Variants in CNTNAP5 observed in about 807,000 individuals in gnomAD.
CNTNAP5 encodes the protein contactin-associated protein-like 5.
Under a neutral mutation model 150.2 loss-of-function variants are expected in CNTNAP5, and 72 were observed. The ratio of observed to expected loss-of-function variants is 0.48; its 90% confidence interval spans 0.40 to 0.58. The LOEUF is 0.58. Among genes scored for constraint, CNTNAP5 ranks in the 20% least tolerant of loss-of-function variants. The pLI is 0.00. For synonymous variants in CNTNAP5, 672 were observed against 619.8 expected, an observed-to-expected ratio of 1.08 and a Z score of -1.25; for missense variants, 1,636 against 1,626.2, an observed-to-expected ratio of 1.01 and a Z score of -0.10.
intron 6 of CNTNAP5, among the ~76,000 whole-genome samples, chr2:124,449,959 C>G (rs1251458635): frequency 6.6e-6 from 1 of 152,004 alleles, no homozygotes; most frequent in African/African-American, 2.4e-5. Context: ...GCTGTGTAAA[C>G]CTGGGAAATA....
chr2:124,832,839 C>A (rs1682744284), intron 19 of CNTNAP5, among the ~76,000 whole-genome samples: 1 of 151,862 alleles, frequency 6.6e-6, no homozygotes, highest in Non-Finnish European at 1.5e-5. Flanking sequence ...AAAGACTCTG[C>A]AGGTTAACTC....
intron 3 of CNTNAP5, among the ~76,000 whole-genome samples, chr2:124,318,842 C>T (rs1405737154): frequency 6.6e-6 from 1 of 152,112 alleles, no homozygotes; most frequent in Admixed American, 6.5e-5. Context: ...CCCTCTATTT[C>T]TCTCCAGTCC....
chr2:124,900,004 G>T (rs775113472), intron 21 of CNTNAP5, among the ~76,000 whole-genome samples: 8 of 150,492 alleles, frequency 5.3e-5, no homozygotes, highest in Non-Finnish European at 1.2e-4. Flanking sequence ...TTTGGAGGCT[G>T]CATTGCTTAA....
chr2:124,500,772 C>G (rs951729358), intron 7 of CNTNAP5, among the ~76,000 whole-genome samples: 3 of 152,100 alleles, frequency 2.0e-5, no homozygotes, highest in Non-Finnish European at 4.4e-5. Flanking sequence ...AACATCTTGG[C>G]TGTTCGAGAA....
chr2:124,190,664 G>A (rs1685436936), intron 1 of CNTNAP5, among the ~76,000 whole-genome samples: 1 of 152,168 alleles, frequency 6.6e-6, no homozygotes, highest in Non-Finnish European at 1.5e-5. Context: ...TTCTGAAGCT[G>A]CTGCTTCTTT....
chr2:124,372,858 A>G (rs1690563087), intron 3 of CNTNAP5, among the ~76,000 whole-genome samples: 1 of 152,182 alleles, frequency 6.6e-6, no homozygotes, highest in African/African-American at 2.4e-5. Flanking sequence ...AACTATGTGC[A>G]AAGCAATGAG....
rs1251026116 is a variant in CNTNAP5 at position 124,705,131 on chromosome 2, C to T, written c.2078-42098C>T. Among the ~76,000 whole-genome samples, 3 of 151,966 alleles carry T rather than the reference C, an allele frequency of 2.0e-5. No individual in the cohort carries two copies. The East Asian group carries it at 5.8e-4, about 29-fold the overall frequency. Reference sequence around the variant, plus strand: ...CATATAGTTATGTATTACACACACACTTTTTTTAATAGAGTGTAGCGTATG... The same window carrying T: ...CATATAGTTATGTATTACACACACATTTTTTTTAATAGAGTGTAGCGTATG... On this transcript the variant is annotated intron_variant, in intron 13 of 23. Transcript: ENST00000682447.
chr2:124,292,505 AGAGCT>A (rs1196764080), intron 3 of CNTNAP5, among the ~76,000 whole-genome samples: 2 of 152,162 alleles, frequency 1.3e-5, no homozygotes, highest in Admixed American at 6.5e-5. Context: ...ATATTTTGAT[AGAGCT>A]CCTATTTTTA....
At chr2:124,294,745 G>A (rs773336099) in intron 3 of CNTNAP5, among the ~76,000 whole-genome samples, 6 of 152,182 alleles carry the variant, frequency 3.9e-5, no homozygotes, top group Non-Finnish European at 5.9e-5. Flanking sequence ...CAAAAAATTC[G>A]CACTTTCACT....
chr2:124,264,707 CCTCAACCA>C (rs1687558856), intron 3 of CNTNAP5, among the ~76,000 whole-genome samples: 1 of 152,154 alleles, frequency 6.6e-6, no homozygotes, highest in Admixed American at 6.5e-5. Context: ...GGCTGATTCC[CCTCAACCA>C]TCTGCAGTGG....
chr2:124,166,983 T>A lies in CNTNAP5; in HGVS notation c.83-54722T>A, dbSNP rs150833557. Among the ~76,000 whole-genome samples the A allele has an allele frequency of 4.3e-4, 66 of 152,306 alleles. 1 individual carries two copies. The East Asian group carries it at 9.8e-3, about 23-fold the overall frequency. On this transcript the variant is annotated intron_variant, in intron 1 of 23. Coordinates refer to ENST00000682447, the MANE Select transcript of CNTNAP5 (RefSeq NM_001367498.1). ...CCCCTTCCCTTTTTTTCTTCTTTAA[T>A]GACCTTAACTCTTGTATATATGAAT...
intron 10 of CNTNAP5, among the ~76,000 whole-genome samples, chr2:124,530,033 C>T (rs559868586): frequency 5.3e-5 from 8 of 152,242 alleles, no homozygotes; most frequent in Non-Finnish European, 1.0e-4. Flanking sequence ...GAATTCTGGC[C>T]GGGCACGGTT....
intron 3 of CNTNAP5, among the ~76,000 whole-genome samples, chr2:124,321,876 G>A (rs1434424757): frequency 6.6e-6 from 1 of 152,180 alleles, no homozygotes; most frequent in Non-Finnish European, 1.5e-5. Flanking sequence ...TCGGCCAGGT[G>A]AGGTGGCTCA....
chr2:124,813,887 G>T lies in CNTNAP5; in HGVS notation c.3217+15567G>T, dbSNP rs114345430. ...TACAAAGATAGCTTTGGCTATCTTT[G>T]TTCTGGCCACCCTAATCTTGGAATT... On this transcript the variant is annotated intron_variant, in intron 19 of 23. Coordinates refer to ENST00000682447, the MANE Select transcript of CNTNAP5 (RefSeq NM_001367498.1). Among the ~76,000 whole-genome samples, 1,110 of 151,772 alleles carry T rather than the reference G, an allele frequency of 7.3e-3. 14 individuals carry two copies. Among genetic ancestry groups the T allele is most frequent in the African/African-American group, 0.023 (964 of 41,380 alleles).
At chr2:124,472,541 A>G (rs1693541219) in intron 6 of CNTNAP5, among the ~76,000 whole-genome samples, 1 of 150,958 alleles carries the variant, frequency 6.6e-6, no homozygotes. Context: ...TTTCATATTA[A>G]TTATATTGAA....
Position 124,916,104 on chromosome 2 carries a change from T to A in CNTNAP5, c.*1816T>A, listed in dbSNP as rs960313626. Among the ~76,000 whole-genome samples, 5 of 152,180 alleles carry A rather than the reference T, an allele frequency of 3.3e-5. No homozygotes were observed. Among genetic ancestry groups the A allele is most frequent in the African/African-American group, 1.2e-4 (5 of 41,548 alleles). On this transcript the variant is annotated 3_prime_UTR_variant, in exon 24 of 24. Transcript: ENST00000682447. Reference sequence around the variant, plus strand: ...TTCTTTCAGTTTCAGAGCTTATGAGTTAAGGATTTAGTTTGCAATCATATT... The same window carrying A: ...TTCTTTCAGTTTCAGAGCTTATGAGATAAGGATTTAGTTTGCAATCATATT...
At chr2:124,633,900 C>T (rs184479452) in intron 12 of CNTNAP5, among the ~76,000 whole-genome samples, 2 of 152,164 alleles carry the variant, frequency 1.3e-5, no homozygotes, top group East Asian at 1.9e-4. Flanking sequence ...ATCTGGGTCC[C>T]TTTAAGCCAC....
At chr2:124,337,850 G>T (rs936231086) in intron 3 of CNTNAP5, among the ~76,000 whole-genome samples, 3 of 151,926 alleles carry the variant, frequency 2.0e-5, no homozygotes, top group Admixed American at 6.6e-5. Context: ...TTGACTTGGT[G>T]ATGCGGGCTC....
At chr2:124,685,387 T>C (rs1055888236) in intron 13 of CNTNAP5, among the ~76,000 whole-genome samples, 13 of 152,154 alleles carry the variant, frequency 8.5e-5, no homozygotes, top group Non-Finnish European at 1.3e-4. Flanking sequence ...ATAGATCATC[T>C]CAATCACCTA....
Sources: gnomAD v4.1 joint callset for allele counts (sites outside exome capture counted in the v4.1 genomes callset) on GRCh38, gnomAD v4.1.1 for gene constraint, MANE v1.5 for transcripts, NCBI Gene and HGNC (gene_info 2026-07-23, HGNC 2026-07-21) for gene names.